Variants in CHODL observed in about 807,000 individuals in gnomAD.
CHODL encodes transmembrane protein MT75.
A neutral mutation model predicts 34.5 loss-of-function variants in CHODL; 29 were observed. The ratio of observed to expected loss-of-function variants is 0.84; its 90% confidence interval spans 0.63 to 1.15. The LOEUF is 1.15. CHODL is among the 50% of genes most tolerant of loss of function. The pLI is 0.00. For synonymous variants in CHODL, 125 were observed against 116.1 expected, an observed-to-expected ratio of 1.08 and a Z score of -0.49; for missense variants, 332 against 332.5, an observed-to-expected ratio of 1.00 and a Z score of 0.01.
At chr21:18,089,775 G>A (rs913042900) in intron 2 of CHODL, among the ~76,000 whole-genome samples, 2 of 152,118 alleles carry the variant, frequency 1.3e-5, no homozygotes, top group African/African-American at 4.8e-5. Flanking sequence ...GAGGATAGGA[G>A]AATTCTACAG....
At chr21:18,185,053 T>A (rs1397630238) in intron 2 of CHODL, among the ~76,000 whole-genome samples, 2 of 152,192 alleles carry the variant, frequency 1.3e-5, no homozygotes, top group Non-Finnish European at 2.9e-5. Context: ...CTTTAGGTTC[T>A]GGGATACATG....
chr21:17,954,098 T>C (rs1486658165), intron 1 of CHODL, among the ~76,000 whole-genome samples: 1 of 152,076 alleles, frequency 6.6e-6, no homozygotes, highest in African/African-American at 2.4e-5. Context: ...ATATAAACAT[T>C]AAGCAAAAAG....
At chr21:18,074,075 T>A (rs550096851) in intron 2 of CHODL, among the ~76,000 whole-genome samples, 83 of 152,244 alleles carry the variant, frequency 5.5e-4, no homozygotes, top group African/African-American at 1.9e-3. Flanking sequence ...GAGACATGAA[T>A]CTAATGGATT....
At chr21:18,094,193 C>T (rs1236443845) in intron 2 of CHODL, among the ~76,000 whole-genome samples, 2 of 152,036 alleles carry the variant, frequency 1.3e-5, no homozygotes, top group Non-Finnish European at 2.9e-5. Context: ...TATATATGCA[C>T]CAAACACTGG....
chr21:17,967,919 G>C (rs944521928), intron 1 of CHODL, among the ~76,000 whole-genome samples: 1 of 152,076 alleles, frequency 6.6e-6, no homozygotes, highest in African/African-American at 2.4e-5. Flanking sequence ...TACGTCGGAT[G>C]GTCACTTAAC....
At chr21:18,222,406 G>A (rs1251296641) in intron 2 of CHODL, among the ~76,000 whole-genome samples, 1 of 152,148 alleles carries the variant, frequency 6.6e-6, no homozygotes, top group Non-Finnish European at 1.5e-5. Context: ...TCAGAAAATA[G>A]TGGTGTGCTA....
intron 2 of CHODL, among the ~76,000 whole-genome samples, chr21:18,133,947 C>T (rs2072689017): frequency 6.6e-6 from 1 of 152,124 alleles, no homozygotes; most frequent in Non-Finnish European, 1.5e-5. Context: ...TTTCTTAGTT[C>T]CTGAATATAT....
intron 1 of CHODL, among the ~76,000 whole-genome samples, chr21:17,966,730 T>C (rs2063574634): frequency 6.6e-6 from 1 of 152,204 alleles, no homozygotes; most frequent in Non-Finnish European, 1.5e-5. Context: ...GGGCTTAAAG[T>C]AGGGTGATTC....
chr21:18,247,281 A>C (rs1393024746), intron 1 of CHODL, among the ~76,000 whole-genome samples: 1 of 152,104 alleles, frequency 6.6e-6, no homozygotes, highest in East Asian at 1.9e-4. Context: ...TTGAAGAGTA[A>C]GAGCCTCTTT....
chr21:17,924,248 G>A (rs1186751861), intron 1 of CHODL, among the ~76,000 whole-genome samples: 1 of 152,240 alleles, frequency 6.6e-6, no homozygotes, highest in Admixed American at 6.5e-5. Context: ...CTCCGCTGGA[G>A]TATAGCTGAT....
intron 2 of CHODL, among the ~76,000 whole-genome samples, chr21:18,230,423 G>A (rs1355413266): frequency 6.6e-6 from 1 of 152,088 alleles, no homozygotes; most frequent in East Asian, 1.9e-4. Flanking sequence ...TTGTGAAATT[G>A]TGATTTTTAA....
chr21:18,162,168 A>G (rs2073102876), intron 2 of CHODL, among the ~76,000 whole-genome samples: 1 of 152,188 alleles, frequency 6.6e-6, no homozygotes, highest in Admixed American at 6.5e-5. Flanking sequence ...TTAGTTTGTT[A>G]AGGCTGTCAT....
At chr21:18,133,324 G>A (rs561196567) in intron 2 of CHODL, among the ~76,000 whole-genome samples, 14 of 152,186 alleles carry the variant, frequency 9.2e-5, no homozygotes, top group African/African-American at 3.4e-4. Context: ...TGTAACTTAA[G>A]TGGTCCAATT....
At chr21:18,062,881 AAG>A (rs752039220) in intron 2 of CHODL, among the ~76,000 whole-genome samples, 4 of 152,140 alleles carry the variant, frequency 2.6e-5, no homozygotes, top group Admixed American at 1.3e-4. Flanking sequence ...AGGTCAGAGA[AAG>A]AGAGAAAAGG....
At chr21:18,076,352 CA>C (rs2064866590) in intron 2 of CHODL, among the ~76,000 whole-genome samples, 1 of 152,036 alleles carries the variant, frequency 6.6e-6, no homozygotes, top group African/African-American at 2.4e-5. Flanking sequence ...TGTGAAGTGG[CA>C]AAAAACTTTG....
chr21:18,155,420 T>G (rs2073023271), intron 2 of CHODL, among the ~76,000 whole-genome samples: 1 of 152,088 alleles, frequency 6.6e-6, no homozygotes, highest in African/African-American at 2.4e-5. Flanking sequence ...CAAATTACCC[T>G]CTGGAGAGAA....
intron 3 of CHODL, among the ~76,000 whole-genome samples, chr21:18,257,880 A>T (rs984922580): frequency 5.3e-5 from 8 of 151,908 alleles, no homozygotes; most frequent in Admixed American, 2.0e-4. Context: ...ACTAATACAA[A>T]CTCTGTGGAC....
At chr21:18,189,350 A>G (rs949041084) in intron 2 of CHODL, among the ~76,000 whole-genome samples, 10 of 152,134 alleles carry the variant, frequency 6.6e-5, no homozygotes, top group Admixed American at 5.9e-4. Context: ...TTAAAAAATC[A>G]TTTTTTTGAA....
chr21:18,209,746 T>C (rs938862026), intron 2 of CHODL, among the ~76,000 whole-genome samples: 5 of 152,084 alleles, frequency 3.3e-5, no homozygotes, highest in African/African-American at 7.2e-5. Context: ...AGATGAGGAA[T>C]CTTTCCAGGA....
Sources: allele counts gnomAD v4.1 joint callset (sites outside exome capture counted in the v4.1 genomes callset), GRCh38; gene constraint gnomAD v4.1.1; transcripts MANE v1.5; gene names NCBI Gene and HGNC (gene_info 2026-07-23, HGNC 2026-07-21).